TBL1XR1: variants seen among roughly 807,000 people sequenced by gnomAD.
TBL1XR1 encodes the protein F-box-like/WD repeat-containing protein TBL1XR1.
A neutral mutation model predicts 66.9 loss-of-function variants in TBL1XR1; 5 were observed. The ratio of observed to expected loss-of-function variants is 0.07; its 90% confidence interval spans 0.04 to 0.16. The LOEUF (loss-of-function observed/expected upper bound fraction) is 0.16. TBL1XR1 is among the 10% of genes least tolerant of loss of function. The pLI, the probability that TBL1XR1 is intolerant of heterozygous loss-of-function variation, is 1.00. For missense variants in TBL1XR1, 238 were observed against 623.2 expected, an observed-to-expected ratio of 0.38 and a Z score of 6.58; for synonymous variants, 210 against 206.0, an observed-to-expected ratio of 1.02 and a Z score of -0.17.
chr3:177,124,015 C>T (rs1162218259), intron 1 of TBL1XR1, among the ~76,000 whole-genome samples: 2 of 152,074 alleles, frequency 1.3e-5, no homozygotes, highest in Non-Finnish European at 2.9e-5. Context: ...CTCATCTCAA[C>T]AGTCACTGTT....
In TBL1XR1 at chr3:177,038,397, G is replaced by C; in HGVS notation, c.963C>G (p.Thr321=). Residue 321 remains threonine (T), a synonymous_variant, in exon 11 of 16, where the codon ACC becomes ACG. Transcript: ENST00000457928. ...ALDVDWQSNN[T]FASCSTDMCI... is the part of the protein sequence containing the mutation. Reference sequence around the variant, plus strand: ...ACATATCTGTACTACAAGAAGCAAAGGTGTTGTTGCTCTGCCAATCAACAT... The same window carrying C: ...ACATATCTGTACTACAAGAAGCAAACGTGTTGTTGCTCTGCCAATCAACAT... The C allele has an allele frequency of 6.4e-7, 1 of 1,573,494 alleles. No individual in the cohort carries two copies. The highest frequency in any genetic ancestry group is 1.2e-5 in the South Asian group (1 of 85,598).
chr3:177,152,477 G>A (rs1453676596), intron 1 of TBL1XR1, among the ~76,000 whole-genome samples: 1 of 152,108 alleles, frequency 6.6e-6, no homozygotes, highest in African/African-American at 2.4e-5. Flanking sequence ...AGTAGAGATG[G>A]GGTTTCGCCA....
chr3:177,149,240 T>C (rs1219252777), intron 1 of TBL1XR1, among the ~76,000 whole-genome samples: 1 of 152,128 alleles, frequency 6.6e-6, no homozygotes, highest in African/African-American at 2.4e-5. Flanking sequence ...ACTGAGTGTC[T>C]AGTATTTAGT....
In TBL1XR1 at chr3:177,076,115, A is replaced by G. The variant is rs547599630; in HGVS notation, c.-45-11093T>C. Among the ~76,000 whole-genome samples, 24 of 152,356 alleles carry G rather than the reference A, an allele frequency of 1.6e-4. 1 individual carries two copies. In the South Asian group the frequency reaches 4.8e-3, roughly 30 times the overall value. Reference sequence around the variant, plus strand: ...GCTTCATAAATGGTGCCTTCTGGCCATGTCCTCCTCATACTGTTTAAGGAG... The same window carrying G: ...GCTTCATAAATGGTGCCTTCTGGCCGTGTCCTCCTCATACTGTTTAAGGAG... On this transcript the variant is annotated intron_variant, in intron 2 of 15. Coordinates refer to ENST00000457928, the MANE Select transcript of TBL1XR1 (RefSeq NM_024665.7).
intron 1 of TBL1XR1, among the ~76,000 whole-genome samples, chr3:177,195,405 G>A (rs192738762): frequency 2.8e-4 from 37 of 134,250 alleles, no homozygotes; most frequent in South Asian, 4.9e-4. Context: ...TGTTTTCGGG[G>A]AGACAAAGGT....
At chr3:177,033,988 T>TAC (rs1426335661) in intron 13 of TBL1XR1, among the ~76,000 whole-genome samples, 2 of 151,564 alleles carry the variant, frequency 1.3e-5, no homozygotes, top group Admixed American at 6.6e-5. Flanking sequence ...CTGGGTACAC[T>TAC]ACACTGCTTG....
chr3:177,036,827 A>G (rs1421433827), intron 12 of TBL1XR1, among the ~76,000 whole-genome samples: 2 of 152,260 alleles, frequency 1.3e-5, no homozygotes, highest in Non-Finnish European at 2.9e-5. Flanking sequence ...TGATTTTCAT[A>G]TCTGTAACGG....
intron 1 of TBL1XR1, among the ~76,000 whole-genome samples, chr3:177,156,337 GA>G (rs1174471554): frequency 1.3e-5 from 2 of 150,638 alleles, no homozygotes; most frequent in East Asian, 3.9e-4. Context: ...CGTCTCTACT[GA>G]AAACACAAAA....
upstream of TBL1XR1, among the ~76,000 whole-genome samples, chr3:177,198,840 CAA>C (rs1253473587): frequency 6.6e-6 from 1 of 151,358 alleles, no homozygotes; most frequent in Admixed American, 6.6e-5. Context: ...CATTTCCTCT[CAA>C]TATCAGAAAC....
At chr3:177,174,301 G>A (rs1429258972) in intron 1 of TBL1XR1, among the ~76,000 whole-genome samples, 2 of 151,416 alleles carry the variant, frequency 1.3e-5, no homozygotes, top group Admixed American at 1.3e-4. Flanking sequence ...CCCAGCTACT[G>A]GGGAGGCTGA....
rs142610766 is a variant in TBL1XR1, at chr3:177,026,828, G to A, written c.1417-354C>T. ...TGTTGCTAAATGATACATGAGTCTA[G>A]CTAACATGTAGAGAAACAAAATAAA... On this transcript the variant is annotated intron_variant, in intron 14 of 15. Coordinates refer to ENST00000457928, the MANE Select transcript of TBL1XR1 (RefSeq NM_024665.7). The A allele has an allele frequency of 4.7e-3, 822 of 176,350 alleles. 11 individuals carry two copies. Among genetic ancestry groups the A allele is most frequent in the African/African-American group, 0.019 (791 of 42,430 alleles). 10.9% of individuals were successfully genotyped at this position (176,350 alleles called of 1,614,324 possible).
upstream of TBL1XR1, among the ~76,000 whole-genome samples, chr3:177,198,864 C>T (rs1276444334): frequency 3.3e-5 from 4 of 122,240 alleles, no homozygotes; most frequent in African/African-American, 1.1e-4. Context: ...TGAAGTTTTG[C>T]GACACACACA....
chr3:177,139,751 CAGAG>C (rs1300618615), intron 1 of TBL1XR1, among the ~76,000 whole-genome samples: 2 of 151,184 alleles, frequency 1.3e-5, no homozygotes, highest in African/African-American at 2.4e-5. Context: ...AAGTGGAGAA[CAGAG>C]AGAGATGGAA....
At chr3:177,066,464 G>T (rs1015282816) in intron 2 of TBL1XR1, among the ~76,000 whole-genome samples, 3 of 152,204 alleles carry the variant, frequency 2.0e-5, no homozygotes, top group African/African-American at 7.2e-5. Context: ...AGCTGCAGCA[G>T]GTGTGGAAGG....
intron 1 of TBL1XR1, among the ~76,000 whole-genome samples, chr3:177,168,757 A>T (rs1329240928): frequency 6.6e-6 from 1 of 152,236 alleles, no homozygotes; most frequent in Non-Finnish European, 1.5e-5. Flanking sequence ...TATTTGTATT[A>T]AAATAAAAAT....
At chr3:177,045,569 C>T (rs1716217735) in intron 10 of TBL1XR1, among the ~76,000 whole-genome samples, 2 of 152,060 alleles carry the variant, frequency 1.3e-5, no homozygotes, top group African/African-American at 4.8e-5. Context: ...TCCATCTAAG[C>T]CACCAACATT....
chr3:177,144,486 G>A (rs963147161), intron 1 of TBL1XR1, among the ~76,000 whole-genome samples: 3 of 151,842 alleles, frequency 2.0e-5, no homozygotes, highest in Admixed American at 1.3e-4. Context: ...GGGCGCGGTG[G>A]CTCACGCCTG....
chr3:177,033,190 C>G, intron 13 of TBL1XR1, 54 bp from the exon 14 acceptor site: 1 of 1,402,988 alleles, frequency 7.1e-7, no homozygotes, highest in Non-Finnish European at 9.4e-7. Context: ...ACTCCCCCAG[C>G]CTTGCTCCCA....
chr3:177,043,614 G>C (rs1023488038), intron 10 of TBL1XR1, among the ~76,000 whole-genome samples: 3 of 151,856 alleles, frequency 2.0e-5, no homozygotes, highest in Non-Finnish European at 4.4e-5. Flanking sequence ...ATTTTACATA[G>C]GCAGTATATA....
Sources: allele counts gnomAD v4.1 joint callset (sites outside exome capture counted in the v4.1 genomes callset), GRCh38; gene constraint gnomAD v4.1.1; transcripts MANE v1.5; gene names NCBI Gene and HGNC (gene_info 2026-07-23, HGNC 2026-07-21).